Variants in ATAD2B observed in about 807,000 individuals in gnomAD.
The protein encoded by ATAD2B is ATPase family AAA domain containing 2B.
Under a neutral mutation model 167.6 loss-of-function variants are expected in ATAD2B, and 40 were observed. The ratio of observed to expected loss-of-function variants is 0.24; its 90% CI spans 0.19 to 0.31. The LOEUF is 0.31. Among genes scored for constraint, ATAD2B ranks in the 10% least tolerant of loss-of-function variants. The pLI, the probability that ATAD2B is intolerant of heterozygous loss-of-function variation, is 1.00. For missense variants in ATAD2B, 1,242 were observed against 1,757.2 expected (o/e 0.71, Z 5.24); for synonymous variants, 579 against 596.5 (o/e 0.97, Z 0.43).
chr2:23,818,088 ACACAC>A (rs1230143899), intron 17 of ATAD2B, among the ~76,000 whole-genome samples: 9 of 90,854 alleles, frequency 9.9e-5, no homozygotes, highest in Admixed American at 7.8e-4. Context: ...ACACACACAC[ACACAC>A]ATTACACACA....
At chr2:23,912,596 A>G (rs1223920397) in intron 1 of ATAD2B, among the ~76,000 whole-genome samples, 1 of 152,218 alleles carries the variant, frequency 6.6e-6, no homozygotes, top group African/African-American at 2.4e-5. Flanking sequence ...AAGAAAGCAA[A>G]AAGGAAATTA....
intron 8 of ATAD2B, among the ~76,000 whole-genome samples, chr2:23,875,060 A>AC (rs765694914): frequency 8.6e-4 from 130 of 151,426 alleles, no homozygotes; most frequent in Admixed American, 1.2e-3. Flanking sequence ...CATCTCAAAA[A>AC]AAAAAAAAAA....
the ATAD2B span, among the ~76,000 whole-genome samples, chr2:23,687,431 CCA>C: frequency 6.6e-6 from 1 of 152,214 alleles, no homozygotes; most frequent in Admixed American, 6.5e-5. Flanking sequence ...AGACCCAACC[CCA>C]GTGCAGACGC....
chr2:23,798,398 C>T (rs761214342), intron 18 of ATAD2B, 75 bp from the exon 19 acceptor site: 2 of 1,181,654 alleles, frequency 1.7e-6, no homozygotes, highest in Non-Finnish European at 2.3e-6. Flanking sequence ...TCTCCAAATA[C>T]ATGAAATATG....
intron 11 of ATAD2B, among the ~76,000 whole-genome samples, chr2:23,864,259 G>A (rs1694838646): frequency 6.6e-6 from 1 of 151,886 alleles, no homozygotes; most frequent in Admixed American, 6.6e-5. Context: ...CCCACCTCGG[G>A]ATCCCAAAGT....
chr2:23,709,678 G>A, the ATAD2B span, among the ~76,000 whole-genome samples: 4 of 152,060 alleles, frequency 2.6e-5, no homozygotes, highest in Admixed American at 6.5e-5. Flanking sequence ...CAGGGTAGGC[G>A]AGAGAGGGAG....
Position 23,748,745 on chromosome 2 carries a change from A to C in ATAD2B, c.*3301T>G, listed in dbSNP as rs1487108072. On this transcript the variant is annotated 3_prime_UTR_variant, in exon 28 of 28. Coordinates refer to ENST00000238789, the MANE Select transcript of ATAD2B (RefSeq NM_017552.4). ...GTAAATGTTCAAATTCCAGAATTCA[A>C]AAATTAAATAATTTACTTCAACTAA... 1.3e-5 allele frequency: 2 copies of C among 152,164 alleles called. No homozygotes were observed. Among genetic ancestry groups the C allele is most frequent in the African/African-American group, 2.4e-5 (1 of 41,440 alleles). 9.4% of individuals were successfully genotyped at this position (152,164 alleles called of 1,614,324 possible).
At chr2:23,882,504 A>AG (rs1183743004) in intron 6 of ATAD2B, among the ~76,000 whole-genome samples, 2 of 131,348 alleles carry the variant, frequency 1.5e-5, no homozygotes, top group African/African-American at 6.6e-5. Flanking sequence ...CCTCTATTTA[A>AG]AAAAAAAAAA....
intron 27 of ATAD2B, among the ~76,000 whole-genome samples, chr2:23,753,272 A>G (rs1011042935): frequency 1.5e-4 from 23 of 152,226 alleles, no homozygotes; most frequent in Admixed American, 3.3e-4. Flanking sequence ...CACATGAAAA[A>G]TAACTATATC....
intron 1 of ATAD2B, among the ~76,000 whole-genome samples, chr2:23,919,957 C>G (rs1406940710): frequency 6.6e-6 from 1 of 152,034 alleles, no homozygotes; most frequent in Non-Finnish European, 1.5e-5. Flanking sequence ...TCAAGACCAG[C>G]CTGGCTAACA....
At chr2:23,905,465 A>G (rs777900668) in intron 1 of ATAD2B, among the ~76,000 whole-genome samples, 7 of 152,194 alleles carry the variant, frequency 4.6e-5, no homozygotes, top group Non-Finnish European at 7.3e-5. Context: ...TCCAGGCTGC[A>G]GTGAGCCATG....
At chr2:23,898,009 A>T (rs1700350612) in intron 1 of ATAD2B, among the ~76,000 whole-genome samples, 1 of 152,186 alleles carries the variant, frequency 6.6e-6, no homozygotes, top group Non-Finnish European at 1.5e-5. Flanking sequence ...AATCTATGTG[A>T]TCATGGCTCA....
At chr2:23,840,866 G>C (rs976635564) in intron 13 of ATAD2B, among the ~76,000 whole-genome samples, 1 of 152,054 alleles carries the variant, frequency 6.6e-6, no homozygotes, top group South Asian at 2.1e-4. Flanking sequence ...GTCAGTTTTT[G>C]TTTTACATAG....
the ATAD2B span, chr2:23,703,373 A>G: frequency 5.3e-6 from 8 of 1,500,328 alleles, no homozygotes; most frequent in Non-Finnish European, 7.1e-6. Flanking sequence ...CGAGTCCCCA[A>G]TGATTGGTGA....
chr2:23,757,842 C>T lies in ATAD2B; in HGVS notation c.3654G>A (p.Gly1218=), dbSNP rs1399952024. The stretch of plus-strand genomic sequence containing the variant: ...TGCCTGCTCCATTGTTAAGCCTCTG[C>T]CCCTGGTCCAAGTCCATGATGTCAC... ...SSCDIMDLDQ[G]QRLNNGAGTK... Residue 1218 remains glycine (G), a synonymous_variant, in exon 25 of 28, where the codon GGG becomes GGA. Transcript: ENST00000238789. 3.8e-6 allele frequency: 6 copies of T among 1,580,686 alleles called. No individual in the cohort carries two copies. The highest frequency in any genetic ancestry group is 3.4e-6 in the Non-Finnish European group (4 of 1,168,732).
the ATAD2B span, among the ~76,000 whole-genome samples, chr2:23,730,683 A>AC: frequency 1.3e-5 from 2 of 149,654 alleles, no homozygotes; most frequent in Non-Finnish European, 3.0e-5. Context: ...AAAAAAAAAA[A>AC]AAAAAAAGGA....
chr2:23,794,222 C>G (rs1682251235), intron 19 of ATAD2B, among the ~76,000 whole-genome samples: 1 of 152,218 alleles, frequency 6.6e-6, no homozygotes, highest in African/African-American at 2.4e-5. Context: ...GTTGCCTAGG[C>G]TGGTCTCATA....
chr2:23,704,337 C>A, the ATAD2B span, among the ~76,000 whole-genome samples: 3 of 152,198 alleles, frequency 2.0e-5, no homozygotes, highest in Admixed American at 2.0e-4. Flanking sequence ...CACACACAAA[C>A]CCACCCCTGC....
Position 23,788,623 on chromosome 2 carries a change from A to C in ATAD2B, c.2665T>G (p.Tyr889Asp). Reference protein sequence around the residue: ...EEVKCIFRIQYEEVLYIQRPI... With the variant: ...EEVKCIFRIQDEEVLYIQRPI... Reference sequence around the variant, plus strand: ...CTTTGAATATACAAGACCTCTTCATACTGTATTCTAAAGATACATTTAACC... The same window carrying C: ...CTTTGAATATACAAGACCTCTTCATCCTGTATTCTAAAGATACATTTAACC... The change falls in exon 20 of 28, where the codon TAT becomes GAT. Residue 889 changes from tyrosine to aspartate, a missense_variant. Physicochemically the swap from Tyr to Asp is radical, Grantham distance 160. Transcript: ENST00000238789. The C allele has an allele frequency of 1.9e-6, 3 of 1,597,772 alleles. No homozygotes were observed. The highest frequency in any genetic ancestry group is 2.6e-6 in the Non-Finnish European group (3 of 1,165,954).
Sources: allele counts gnomAD v4.1 joint callset (sites outside exome capture counted in the v4.1 genomes callset), GRCh38; gene constraint gnomAD v4.1.1; transcripts MANE v1.5; gene names NCBI Gene and HGNC (gene_info 2026-07-23, HGNC 2026-07-21).